The following TMEM182 variants were observed in gnomAD, a reference collection of about 807,000 sequenced individuals.
The protein encoded by TMEM182 is transmembrane protein 182.
TMEM182 carries 20 observed loss-of-function variants against 26.8 expected under a neutral mutation model. That is an observed-to-expected ratio of 0.75 (90% CI 0.53 to 1.09). TMEM182 has a LOEUF of 1.09. Among genes scored for constraint, TMEM182 ranks in the 50% least tolerant of loss-of-function variants. The probability of loss-of-function intolerance (pLI) is 0.00; values close to 1 mark genes in which losing one functional copy is unlikely to be tolerated. For missense variants in TMEM182, 277 were observed against 275.5 expected, an observed-to-expected ratio of 1.01 and a Z score of -0.04; for synonymous variants, 109 against 102.2, an observed-to-expected ratio of 1.07 and a Z score of -0.40.
chr2:102,813,692 G>A (rs924783891), intron 4 of TMEM182, among the ~76,000 whole-genome samples: 5 of 152,188 alleles, frequency 3.3e-5, no homozygotes, highest in Admixed American at 6.5e-5. Flanking sequence ...AGTTACATGG[G>A]AAAGGACATG....
intron 3 of TMEM182, among the ~76,000 whole-genome samples, chr2:102,825,438 G>T (rs147183893): frequency 1.3e-5 from 2 of 151,950 alleles, no homozygotes; most frequent in Admixed American, 6.6e-5. Context: ...AACATTTTTC[G>T]TGTCTTTAAA....
intron 4 of TMEM182, among the ~76,000 whole-genome samples, chr2:102,814,418 A>C (rs1384375961): frequency 2.6e-5 from 4 of 152,182 alleles, no homozygotes; most frequent in African/African-American, 7.2e-5. Context: ...AAAAGAAAAA[A>C]AAAAGTTAGA....
At chr2:102,756,537 A>G (rs1680037299) in intron 1 of TMEM182, among the ~76,000 whole-genome samples, 1 of 150,930 alleles carries the variant, frequency 6.6e-6, no homozygotes, top group Non-Finnish European at 1.5e-5. Flanking sequence ...GTGAAGCCCC[A>G]TCTCTACTAA....
chr2:102,765,721 G>A (rs180739314), intron 3 of TMEM182, among the ~76,000 whole-genome samples: 280 of 152,298 alleles, frequency 1.8e-3, no homozygotes, highest in African/African-American at 6.5e-3. Context: ...GAGGGTATGA[G>A]GTCTGGATAG....
intron 3 of TMEM182, among the ~76,000 whole-genome samples, chr2:102,832,470 A>C (rs1423250965): frequency 3.3e-5 from 5 of 152,216 alleles, no homozygotes; most frequent in Admixed American, 6.5e-5. Flanking sequence ...TAAAGAACGA[A>C]GATACTGGGG....
chr2:102,814,655 G>A, intron 4 of TMEM182, 93 bp from the exon 5 acceptor site: 1 of 1,108,220 alleles, frequency 9.0e-7, no homozygotes, highest in Non-Finnish European at 1.3e-6. Context: ...TGTATTTGCA[G>A]GAGCTTGTCA....
intron 3 of TMEM182, among the ~76,000 whole-genome samples, chr2:102,827,480 C>A (rs1683055774): frequency 1.3e-5 from 2 of 152,312 alleles, no homozygotes; most frequent in South Asian, 4.1e-4. Context: ...CAAAAATGTT[C>A]TCAGCTTCAC....
chr2:102,762,291 T>C lies in TMEM182; in HGVS notation c.74T>C (p.Phe25Ser), dbSNP rs762064596. 1.2e-5 allele frequency: 19 copies of C among 1,613,866 alleles called. No individual in the cohort carries two copies. The Admixed American group carries it at 3.2e-4, about 27-fold the overall frequency. The change falls in exon 1 of 5, where the codon TTT becomes TCT. Residue 25 changes from phenylalanine (F) to serine (S), a missense_variant. Coordinates refer to ENST00000412401, the MANE Select transcript of TMEM182 (RefSeq NM_144632.5). ...GGGGTGTTACTCTTTTTGGTGGCTT[T>C]TGGATCGGATTATTGGCTTCTTGCA... ...ALGVLLFLVAFGSDYWLLATE... is the reference protein window; with the variant it reads ...ALGVLLFLVASGSDYWLLATE...
intron 1 of TMEM182, among the ~76,000 whole-genome samples, chr2:102,750,411 G>A (rs768279349): frequency 1.3e-5 from 2 of 152,064 alleles, no homozygotes; most frequent in Admixed American, 6.6e-5. Flanking sequence ...GTTTTTTGCC[G>A]ATGTTGCTTC....
At chr2:102,811,055 T>C (rs1223147251) in intron 4 of TMEM182, among the ~76,000 whole-genome samples, 1 of 54,710 alleles carries the variant, frequency 1.8e-5, no homozygotes. Flanking sequence ...ATGTCCTCTA[T>C]AGCAAAAAAA....
At chr2:102,781,130 G>A (rs1573526626) in intron 3 of TMEM182, among the ~76,000 whole-genome samples, 1 of 152,134 alleles carries the variant, frequency 6.6e-6, no homozygotes, top group Non-Finnish European at 1.5e-5. Context: ...CTTACTAGAA[G>A]GAATAGGGTC....
At chr2:102,798,564 T>A (rs1291230702) in intron 4 of TMEM182, among the ~76,000 whole-genome samples, 2 of 152,106 alleles carry the variant, frequency 1.3e-5, no homozygotes, top group African/African-American at 4.8e-5. Flanking sequence ...TGATGCCAGG[T>A]GTGGTGGCTC....
At chr2:102,791,924 C>A (rs1234318334) in intron 3 of TMEM182, among the ~76,000 whole-genome samples, 2 of 151,798 alleles carry the variant, frequency 1.3e-5, no homozygotes, top group Non-Finnish European at 2.9e-5. Context: ...CAGTCAAGAT[C>A]TAAGAGATTG....
chr2:102,839,875 T>G (rs774555045), intron 3 of TMEM182, among the ~76,000 whole-genome samples: 3 of 152,222 alleles, frequency 2.0e-5, no homozygotes, highest in African/African-American at 7.2e-5. Flanking sequence ...GGATCCCTGA[T>G]TGATTTTCTG....
At chr2:102,741,913 C>T (rs921267971) in intron 1 of TMEM182, among the ~76,000 whole-genome samples, 4 of 152,084 alleles carry the variant, frequency 2.6e-5, no homozygotes, top group African/African-American at 9.7e-5. Context: ...TAACATGAAA[C>T]CTCATACAAA....
At chr2:102,818,745 C>CCTATCTATCTATCTATCTAT (rs71378191), downstream of TMEM182, among the ~76,000 whole-genome samples, 417 of 136,510 alleles carry the variant, frequency 3.1e-3, no homozygotes, top group Middle Eastern at 8.1e-3. Context: ...TCTATTTAAT[C>CCTATCTATCTATCTATCTAT]CTATCTATCT....
chr2:102,770,451 T>C (rs935337977), intron 3 of TMEM182, among the ~76,000 whole-genome samples: 24 of 152,148 alleles, frequency 1.6e-4, no homozygotes, highest in African/African-American at 5.8e-4. Flanking sequence ...CACTGCTCAT[T>C]CTCTTAGACA....
intron 3 of TMEM182, among the ~76,000 whole-genome samples, chr2:102,773,909 A>G (rs1366654213): frequency 2.0e-5 from 3 of 152,124 alleles, no homozygotes; most frequent in Non-Finnish European, 4.4e-5. Flanking sequence ...ACAAAACAAA[A>G]TAAAACACCA....
chr2:102,809,247 G>C (rs1682460667), intron 4 of TMEM182, among the ~76,000 whole-genome samples: 1 of 152,128 alleles, frequency 6.6e-6, no homozygotes, highest in Non-Finnish European at 1.5e-5. Context: ...GGTCAGTCAG[G>C]GTATTCAGTG....
Sources: gnomAD v4.1 joint callset for allele counts (sites outside exome capture counted in the v4.1 genomes callset) on GRCh38, gnomAD v4.1.1 for gene constraint, MANE v1.5 for transcripts, NCBI Gene and HGNC (gene_info 2026-07-23, HGNC 2026-07-21) for gene names.